Variants in RUVBL2 observed in about 807,000 individuals in gnomAD.
The protein encoded by RUVBL2 is RuvB like AAA ATPase 2, also known as ruvB-like 2.
Under a neutral mutation model 57.9 loss-of-function variants are expected in RUVBL2, and 9 were observed. The observed-to-expected ratio is 0.16, with a 90% CI of 0.09 to 0.27. The LOEUF (loss-of-function observed/expected upper bound fraction) is 0.27. Among genes scored for constraint, RUVBL2 ranks in the 10% least tolerant of loss-of-function variants. RUVBL2 has a pLI of 1.00. For synonymous variants in RUVBL2, 278 were observed against 264.6 expected (o/e 1.05, Z -0.49); for missense variants, 456 against 669.6 (o/e 0.68, Z 3.52).
intron 8 of RUVBL2, 94 bp downstream of exon 8, chr19:49,010,160 C>A: frequency 8.7e-7 from 1 of 1,147,994 alleles, no homozygotes; most frequent in Non-Finnish European, 1.3e-6. Flanking sequence ...CTGGATCTTC[C>A]TGTTACCCTG....
At chr19:49,009,313 C>G (rs1017618137) in intron 6 of RUVBL2, among the ~76,000 whole-genome samples, 7 of 151,232 alleles carry the variant, frequency 4.6e-5, no homozygotes, top group South Asian at 2.1e-4. Context: ...ACAGTGAAAC[C>G]CCATCTCTAC....
Position 49,007,097 on chromosome 19 carries a change from G to A in RUVBL2, c.345G>A (p.Lys115=). ...AAATCTTCTCCCTGGAGATGAGCAA[G>A]ACCGAGGCGCTGACGCAGGCCTTCC... ...GSEIFSLEMS[K]TEALTQAFRR... Residue 115 remains lysine, a synonymous_variant, in exon 5 of 15, where the codon AAG becomes AAA. Transcript: ENST00000595090. 6.2e-7 allele frequency: 1 copy of A among 1,613,330 alleles called. No individual in the cohort carries two copies. The highest frequency in any genetic ancestry group is 2.2e-5 in the East Asian group (1 of 44,892).
chr19:48,996,919 T>C (rs2039073670), intron 1 of RUVBL2, among the ~76,000 whole-genome samples: 2 of 151,732 alleles, frequency 1.3e-5, no homozygotes, highest in South Asian at 4.1e-4. Flanking sequence ...TGCTTCAGCC[T>C]CCCAAAGTGC....
At chr19:49,009,255 G>C (rs567809465) in intron 6 of RUVBL2, among the ~76,000 whole-genome samples, 1 of 149,142 alleles carries the variant, frequency 6.7e-6, no homozygotes, top group Non-Finnish European at 1.5e-5. Context: ...TTGGGAGGCC[G>C]AGGTGGGCAG....
intron 4 of RUVBL2, among the ~76,000 whole-genome samples, chr19:49,005,426 T>C (rs908094362): frequency 4.6e-5 from 7 of 152,150 alleles, no homozygotes; most frequent in African/African-American, 1.2e-4. Context: ...GCAGGTAGCA[T>C]GTGACAGAGG....
intron 1 of RUVBL2, among the ~76,000 whole-genome samples, chr19:48,997,821 G>C (rs993514045): frequency 1.3e-5 from 2 of 151,840 alleles, no homozygotes; most frequent in Admixed American, 6.6e-5. Flanking sequence ...TGGACCTCTG[G>C]GGGGGTCCTG....
chr19:48,993,531 CTGT>C (rs1235682542), upstream of RUVBL2: 13 of 445,602 alleles, frequency 2.9e-5, no homozygotes, highest in South Asian at 4.4e-5. Flanking sequence ...GCCTTCAGCT[CTGT>C]CAATCTGGAG....
At position 49,011,318 on chromosome 19, in the gene RUVBL2, G is replaced by A. The variant is rs372813353; in HGVS notation, c.1001+8G>A. On this transcript the variant is annotated splice_region_variant and intron_variant, in intron 11 of 14. Coordinates refer to ENST00000595090, the MANE Select transcript of RUVBL2 (RefSeq NM_006666.3). The surrounding 1 kb of genome is among the most constrained non-coding windows in gnomAD (Gnocchi z 4.4). ...CAACCGTGGCATCACGCGGTGAGCC[G>A]GCTACAGGGGCCTCTGGGGAAAACA... is the stretch of plus-strand genomic sequence containing the variant. 183 of 1,606,340 alleles carry A rather than the reference G, an allele frequency of 1.1e-4. No homozygotes were observed. The East Asian group carries it at 1.2e-3, about 11-fold the overall frequency.
rs796817947 is a variant in RUVBL2, at chr19:49,010,694, G to C, written c.787+83G>C. On this transcript the variant is annotated intron_variant, in intron 9 of 14. Coordinates refer to ENST00000595090, the MANE Select transcript of RUVBL2 (RefSeq NM_006666.3). ...CGGGCTCCCTCTGTTCCTGAGCTCC[G>C]AGTGTGGCCCACCTGCTCCACGCTG... 9 of 1,568,534 alleles carry C rather than the reference G, an allele frequency of 5.7e-6. No individual in the cohort carries two copies. In the East Asian group the frequency reaches 1.8e-4, roughly 31 times the overall value.
In RUVBL2 at chr19:49,009,786, T is replaced by G. The variant is rs554397434; in HGVS notation, c.473T>G (p.Val158Gly). 1 of 1,613,896 alleles carries G rather than the reference T, an allele frequency of 6.2e-7. No individual in the cohort carries two copies. Among genetic ancestry groups the G allele is most frequent in the East Asian group, 2.2e-5 (1 of 44,878 alleles). The change falls in exon 7 of 15, where the codon GTG becomes GGG. Residue 158 changes from valine to glycine, a missense_variant. By Grantham distance (109) the Val-to-Gly change is moderately radical. Coordinates refer to ENST00000595090, the MANE Select transcript of RUVBL2 (RefSeq NM_006666.3). ...TGTCCCCACTCTCAGGGCTCCAAGG[T>G]GGGCAAACTGACCCTCAAGACCACA... ...DRPATGTGSKVGKLTLKTTEM... is the reference protein window; with the variant it reads ...DRPATGTGSKGGKLTLKTTEM...
In RUVBL2 at chr19:49,008,852, G is replaced by A. The variant is rs78997573; in HGVS notation, c.463-924G>A. 7.8e-4 allele frequency among the ~76,000 whole-genome samples: 118 copies of A among 152,082 alleles called. 1 individual carries two copies. In the East Asian group the frequency reaches 0.022, roughly 29 times the overall value. Reference sequence around the variant, plus strand: ...AAATTAGCTGGGCGTGGTGGTGGGTGCTTGTAATCCCAGCTACTTGGGAGG... The same window carrying A: ...AAATTAGCTGGGCGTGGTGGTGGGTACTTGTAATCCCAGCTACTTGGGAGG... On this transcript the variant is annotated intron_variant, in intron 6 of 14. Transcript: ENST00000595090.
At chr19:49,014,422 C>T in intron 11 of RUVBL2, 62 bp from the exon 12 acceptor site, 1 of 1,574,296 alleles carries the variant, frequency 6.4e-7, no homozygotes, top group Admixed American at 1.8e-5. Context: ...AGAGTGTTCC[C>T]AGCAAAGGGA....
chr19:49,015,791 C>G (rs771296389), intron 14 of RUVBL2, 26 bp from the exon 15 acceptor site: 4 of 1,614,038 alleles, frequency 2.5e-6, no homozygotes, highest in Admixed American at 3.3e-5. Context: ...GCGACACTGA[C>G]CATGTGGCCT....
rs558017198 is a variant in RUVBL2 at position 49,015,856 on chromosome 19, C to A, written c.*14C>A. On this transcript the variant is annotated 3_prime_UTR_variant, in exon 15 of 15. Coordinates refer to ENST00000595090, the MANE Select transcript of RUVBL2 (RefSeq NM_006666.3). ...GACACCTCCTGAGTTGGATGTCATC[C>A]CCCGACCCCACCCTGTTTTCCACCA... is the stretch of plus-strand genomic sequence containing the variant. 5 of 1,614,184 alleles carry A rather than the reference C, an allele frequency of 3.1e-6. No homozygotes were observed. In the African/African-American group the frequency reaches 6.7e-5, roughly 22 times the overall value.
In RUVBL2 at chr19:49,011,750, A is replaced by G. The variant is rs1412806148; in HGVS notation, c.1001+440A>G. Among the ~76,000 whole-genome samples the G allele has an allele frequency of 2.0e-5, 3 of 151,950 alleles. No individual in the cohort carries two copies. Among genetic ancestry groups the G allele is most frequent in the Admixed American group, 6.6e-5 (1 of 15,238 alleles). The stretch of plus-strand genomic sequence containing the variant: ...CTAAGGATGCCAGGGACAGATTCCC[A>G]TGACACAGAGGGTACCGTGCTCTGC... On this transcript the variant is annotated intron_variant, in intron 11 of 14. Coordinates refer to ENST00000595090, the MANE Select transcript of RUVBL2 (RefSeq NM_006666.3). The surrounding 1 kb of genome is among the most constrained non-coding windows in gnomAD (Gnocchi z 4.4).
In RUVBL2 at chr19:49,010,879, C is replaced by T. The variant is rs1362558074; in HGVS notation, c.788-120C>T. 4 of 968,872 alleles carry T rather than the reference C, an allele frequency of 4.1e-6. No homozygotes were observed. The East Asian group carries it at 7.7e-5, about 19-fold the overall frequency. The allele number at this position is 968,872 out of a possible 1,614,324, so 60.0% of individuals were successfully genotyped here. ...TTGGGGATGTTTCAGGCTCCTCATC[C>T]CTCCTTGCTTTGCTCCCCTTCCTCC... On this transcript the variant is annotated intron_variant, in intron 9 of 14. Transcript: ENST00000595090.
chr19:48,996,277 A>G (rs2039057925), intron 1 of RUVBL2, among the ~76,000 whole-genome samples: 1 of 152,130 alleles, frequency 6.6e-6, no homozygotes, highest in Non-Finnish European at 1.5e-5. Context: ...GTGTCAGAAA[A>G]TAATGTAACA....
At chr19:49,014,455 A>T in intron 11 of RUVBL2, 29 bp from the exon 12 acceptor site, 2 of 1,607,162 alleles carry the variant, frequency 1.2e-6, no homozygotes. Flanking sequence ...CATGCCCCTG[A>T]CAGCCCCCTC....
In RUVBL2 at chr19:49,010,055, A is replaced by G. The variant is rs750643895; in HGVS notation, c.652A>G (p.Met218Val). Residue 218 changes from methionine to valine, a missense_variant, in exon 8 of 15, where the codon ATG (methionine) becomes GTG (valine). Met to Val is a conservative substitution (Grantham distance 21). Coordinates refer to ENST00000595090, the MANE Select transcript of RUVBL2 (RefSeq NM_006666.3). ...CACACGCGCCCGCGACTACGACGCTATGGGCTCCCAGGTGCGGCCGGGACT... is the reference window on the plus strand; with the variant it reads ...CACACGCGCCCGCGACTACGACGCTGTGGGCTCCCAGGTGCGGCCGGGACT... ...SFTRARDYDA[M>V]GSQTKFVQCP... The G allele has an allele frequency of 3.1e-6, 5 of 1,601,902 alleles. No homozygotes were observed. Among genetic ancestry groups the G allele is most frequent in the East Asian group, 2.2e-5 (1 of 44,796 alleles).
Sources: gnomAD v4.1 joint callset for allele counts (sites outside exome capture counted in the v4.1 genomes callset) on GRCh38, gnomAD v4.1.1 for gene constraint, Gnocchi (gnomAD v3.1) non-coding constraint, MANE v1.5 for transcripts, NCBI Gene and HGNC (gene_info 2026-07-23, HGNC 2026-07-21) for gene names.